The following PLXDC2 variants were observed in gnomAD, a reference collection of about 807,000 sequenced individuals.
The protein encoded by PLXDC2 is plexin domain containing 2, also known as plexin domain-containing protein 2.
In PLXDC2, 40 loss-of-function variants were observed where a neutral mutation model predicts 68.9. The ratio of observed to expected loss-of-function variants is 0.58; its 90% CI spans 0.45 to 0.76. The LOEUF is 0.76. Ranked by LOEUF, PLXDC2 falls within the 30% of genes least tolerant of loss-of-function variation. The pLI is 0.00. For synonymous variants in PLXDC2, 243 were observed against 234.2 expected (o/e 1.04, Z -0.34); for missense variants, 644 against 661.9 (o/e 0.97, Z 0.30).
intron 9 of PLXDC2, among the ~76,000 whole-genome samples, chr10:20,210,497 A>G (rs986530670): frequency 6.6e-6 from 1 of 152,180 alleles, no homozygotes; most frequent in Admixed American, 6.6e-5. Context: ...TAGGGAAGAC[A>G]GAAAATTATT....
intron 1 of PLXDC2, among the ~76,000 whole-genome samples, chr10:19,876,449 G>T (rs1312791587): frequency 1.3e-5 from 2 of 151,758 alleles, no homozygotes; most frequent in Admixed American, 1.3e-4. Context: ...AGGAAACAAA[G>T]CAATTAGCCG....
At chr10:20,120,323 A>G (rs575806990) in intron 4 of PLXDC2, among the ~76,000 whole-genome samples, 35 of 152,146 alleles carry the variant, frequency 2.3e-4, no homozygotes, top group Non-Finnish European at 3.5e-4. Context: ...TGATAAAAGT[A>G]TTGTCCAGTC....
chr10:20,046,781 A>T, intron 2 of PLXDC2, 88 bp from the exon 3 acceptor site: 1 of 1,331,790 alleles, frequency 7.5e-7, no homozygotes, highest in Non-Finnish European at 1.0e-6. Context: ...AAAAACTATT[A>T]ATACTCTTGA....
intron 1 of PLXDC2, among the ~76,000 whole-genome samples, chr10:19,905,165 G>A (rs1467900680): frequency 6.6e-6 from 1 of 152,168 alleles, no homozygotes; most frequent in African/African-American, 2.4e-5. Flanking sequence ...TTTTTTCCTT[G>A]TTGATAGATG....
intron 4 of PLXDC2, among the ~76,000 whole-genome samples, chr10:20,128,917 C>T (rs1191097529): frequency 2.0e-5 from 3 of 152,150 alleles, no homozygotes; most frequent in Admixed American, 2.0e-4. Flanking sequence ...TATATCTTGG[C>T]CATTGTGAAC....
intron 12 of PLXDC2, among the ~76,000 whole-genome samples, chr10:20,226,440 G>A (rs373039466): frequency 1.1e-4 from 16 of 152,048 alleles, no homozygotes; most frequent in African/African-American, 3.9e-4. Flanking sequence ...TATTTGTTTT[G>A]GTAAAGGTAG....
chr10:19,946,311 T>C (rs1564635789), intron 1 of PLXDC2, among the ~76,000 whole-genome samples: 1 of 152,092 alleles, frequency 6.6e-6, no homozygotes, highest in East Asian at 1.9e-4. Flanking sequence ...ATACTCTCTA[T>C]AACTTTTCTT....
chr10:20,090,527 G>T (rs559641645), intron 4 of PLXDC2, among the ~76,000 whole-genome samples: 14 of 152,186 alleles, frequency 9.2e-5, no homozygotes, highest in African/African-American at 3.4e-4. Context: ...CCAACTATAT[G>T]CATTCTTCTC....
intron 1 of PLXDC2, among the ~76,000 whole-genome samples, chr10:19,870,047 G>A (rs1837504380): frequency 6.6e-6 from 1 of 152,214 alleles, no homozygotes; most frequent in South Asian, 2.1e-4. Flanking sequence ...CATAGTCTTG[G>A]AGAGGAAAGC....
chr10:20,270,766 C>A (rs564022001), intron 13 of PLXDC2, among the ~76,000 whole-genome samples: 14 of 151,812 alleles, frequency 9.2e-5, no homozygotes, highest in Non-Finnish European at 1.8e-4. Flanking sequence ...AGGTAATCTG[C>A]CTGCCTCAGC....
intron 9 of PLXDC2, among the ~76,000 whole-genome samples, chr10:20,181,558 G>T (rs1021166770): frequency 2.6e-5 from 4 of 151,990 alleles, no homozygotes; most frequent in African/African-American, 9.7e-5. Context: ...CTGAATGATG[G>T]GTAGGCAGCT....
intron 2 of PLXDC2, among the ~76,000 whole-genome samples, chr10:20,040,068 T>G (rs1835654699): frequency 6.6e-6 from 1 of 152,198 alleles, no homozygotes; most frequent in Non-Finnish European, 1.5e-5. Flanking sequence ...AGGTCAGTCA[T>G]GCCTCAGTGC....
chr10:20,030,175 C>G (rs185996314), intron 2 of PLXDC2, among the ~76,000 whole-genome samples: 1 of 148,940 alleles, frequency 6.7e-6, no homozygotes, highest in Non-Finnish European at 1.5e-5. Context: ...CGTAGCCAGA[C>G]AGCTCAACGG....
intron 1 of PLXDC2, among the ~76,000 whole-genome samples, chr10:19,920,693 G>C (rs573373377): frequency 2.2e-4 from 33 of 152,228 alleles, no homozygotes; most frequent in African/African-American, 7.5e-4. Flanking sequence ...AAGTAGCTGA[G>C]ACCACAGGCA....
intron 4 of PLXDC2, among the ~76,000 whole-genome samples, chr10:20,098,828 T>C (rs912167355): frequency 6.6e-6 from 1 of 152,146 alleles, no homozygotes; most frequent in Non-Finnish European, 1.5e-5. Context: ...GAGTTAGTCC[T>C]CTGAAGGGAG....
At chr10:19,931,297 A>T (rs984823711) in intron 1 of PLXDC2, among the ~76,000 whole-genome samples, 2 of 151,964 alleles carry the variant, frequency 1.3e-5, no homozygotes, top group Non-Finnish European at 2.9e-5. Context: ...CCTTCTTTCC[A>T]CTCTCACCTC....
intron 1 of PLXDC2, among the ~76,000 whole-genome samples, chr10:19,965,683 G>A (rs906703283): frequency 6.8e-6 from 1 of 146,332 alleles, no homozygotes; most frequent in Non-Finnish European, 1.5e-5. Flanking sequence ...CGGTCTGCAG[G>A]AGCACAGCAG....
chr10:19,823,716 G>C (rs1488059307), intron 1 of PLXDC2, among the ~76,000 whole-genome samples: 2 of 152,144 alleles, frequency 1.3e-5, no homozygotes, highest in East Asian at 3.9e-4. Flanking sequence ...GTGAGGTTCA[G>C]TGGCTCACAC....
intron 1 of PLXDC2, among the ~76,000 whole-genome samples, chr10:19,990,190 T>C (rs1264223517): frequency 6.6e-6 from 1 of 152,152 alleles, no homozygotes; most frequent in East Asian, 1.9e-4. Flanking sequence ...ATTTATAAAA[T>C]AAAGACCATG....
Sources: allele counts gnomAD v4.1 joint callset (sites outside exome capture counted in the v4.1 genomes callset), GRCh38; gene constraint gnomAD v4.1.1; transcripts MANE v1.5; gene names NCBI Gene and HGNC (gene_info 2026-07-23, HGNC 2026-07-21).